USH2A: variants seen among roughly 807,000 people sequenced by gnomAD.
USH2A encodes the protein Usher syndrome 2A (autosomal recessive, mild).
USH2A carries 443 observed loss-of-function variants against 538.9 expected under a neutral mutation model. The ratio of observed to expected loss-of-function variants is 0.82; its 90% CI spans 0.76 to 0.89. The LOEUF (loss-of-function observed/expected upper bound fraction) is 0.89. USH2A is among the 40% of genes least tolerant of loss of function. USH2A has a pLI of 0.00. For synonymous variants in USH2A, 2,413 were observed against 2,273.5 expected, an observed-to-expected ratio of 1.06 and a Z score of -1.75; for missense variants, 6,633 against 6,324.8, an observed-to-expected ratio of 1.05 and a Z score of -1.65.
In USH2A at chr1:216,231,842, CA is replaced by C. The variant is rs2035701459; in HGVS notation, c.2993+110del. 5.1e-6 allele frequency: 7 copies of C among 1,375,026 alleles called. No homozygotes were observed. The East Asian group carries it at 1.6e-4, about 32-fold the overall frequency. 85.2% of individuals were successfully genotyped at this position (1,375,026 alleles called of 1,614,324 possible). ...TGCTGGGATTACAGGTGTGAGCCAC[CA>C]AGCCGGGCAAAAAAAATACTTTTTA... On this transcript the variant is annotated intron_variant, in intron 14 of 71. Transcript: ENST00000307340.
At chr1:216,078,864 T>C (rs991095113) in intron 26 of USH2A, among the ~76,000 whole-genome samples, 3 of 152,160 alleles carry the variant, frequency 2.0e-5, no homozygotes, top group Non-Finnish European at 4.4e-5. Context: ...ATTTCAAATA[T>C]GTAAGACATA....
chr1:216,288,654 CTTA>C (rs1268354629), intron 11 of USH2A, among the ~76,000 whole-genome samples: 1 of 152,048 alleles, frequency 6.6e-6, no homozygotes. Context: ...ACAATTTTCA[CTTA>C]TTAGTATTAT....
Position 215,965,473 on chromosome 1 carries a change from T to A in USH2A, c.6964A>T (p.Asn2322Tyr). 6.2e-7 allele frequency: 1 copy of A among 1,613,626 alleles called. No homozygotes were observed. Among genetic ancestry groups the A allele is most frequent in the Non-Finnish European group, 8.5e-7 (1 of 1,179,714 alleles). ...TCAGGAGGAGCTTCTAGAGTTCGAT[T>A]TTCCACCTGTGAGTATAAAAAGATT... The part of the protein sequence containing the change: ...KGCALGPLVE[N>Y]RTLEAPPEGT... Residue 2322 changes from asparagine to tyrosine, a missense_variant, in exon 37 of 72, where the codon AAT becomes TAT. By Grantham distance (143) the Asn-to-Tyr change is moderately radical. Transcript: ENST00000307340.
At chr1:216,203,157 C>G (rs2035035098) in intron 16 of USH2A, among the ~76,000 whole-genome samples, 1 of 151,834 alleles carries the variant, frequency 6.6e-6, no homozygotes, top group Admixed American at 6.6e-5. Flanking sequence ...AGATACATTC[C>G]AAGATCTCCA....
At chr1:216,380,605 G>A (rs901154070) in intron 3 of USH2A, among the ~76,000 whole-genome samples, 1 of 152,170 alleles carries the variant, frequency 6.6e-6, no homozygotes, top group East Asian at 1.9e-4. Context: ...ACTGACTTCA[G>A]TGTGAGACAA....
At chr1:215,949,646 G>C (rs1159813890) in intron 37 of USH2A, among the ~76,000 whole-genome samples, 1 of 151,976 alleles carries the variant, frequency 6.6e-6, no homozygotes, top group Non-Finnish European at 1.5e-5. Context: ...ATTTAAGTCT[G>C]ATAAATTTAG....
At chr1:216,295,956 A>T (rs914862616) in intron 9 of USH2A, among the ~76,000 whole-genome samples, 3 of 150,844 alleles carry the variant, frequency 2.0e-5, no homozygotes, top group African/African-American at 7.3e-5. Context: ...AGTCAAAAGC[A>T]TTTTTTTTTG....
intron 55 of USH2A, among the ~76,000 whole-genome samples, chr1:215,768,973 T>A (rs1203816066): frequency 1.3e-5 from 2 of 152,158 alleles, no homozygotes; most frequent in Non-Finnish European, 1.5e-5. Context: ...TAGTGTCCCA[T>A]AAGGATTGCA....
In USH2A at chr1:215,674,089, T is replaced by C. The variant is rs1657910266; in HGVS notation, c.13811+11A>G. On this transcript the variant is annotated intron_variant, in intron 63 of 71. Transcript: ENST00000307340. The stretch of plus-strand genomic sequence containing the variant: ...GGCTTACTCTCAGAAAACCGAGACA[T>C]GGCTACCTACCTGTGAAATGGCTTC... 1 of 1,614,010 alleles carries C rather than the reference T, an allele frequency of 6.2e-7. No individual in the cohort carries two copies. Among genetic ancestry groups the C allele is most frequent in the Non-Finnish European group, 8.5e-7 (1 of 1,179,986 alleles).
At chr1:216,403,041 C>T (rs898537355) in intron 3 of USH2A, among the ~76,000 whole-genome samples, 1 of 151,968 alleles carries the variant, frequency 6.6e-6, no homozygotes, top group Admixed American at 6.6e-5. Flanking sequence ...CAATTCAGCA[C>T]TATATAAAAG....
intron 4 of USH2A, among the ~76,000 whole-genome samples, chr1:216,353,375 A>G (rs969627466): frequency 6.6e-6 from 1 of 152,110 alleles, no homozygotes; most frequent in African/African-American, 2.4e-5. Flanking sequence ...ATGCCACATG[A>G]TCATTAGTGA....
intron 44 of USH2A, among the ~76,000 whole-genome samples, chr1:215,865,501 G>A (rs1407968152): frequency 2.6e-5 from 4 of 152,140 alleles, no homozygotes; most frequent in Admixed American, 6.6e-5. Flanking sequence ...GTCAGATGAG[G>A]GGGGAGAGCC....
intron 64 of USH2A, among the ~76,000 whole-genome samples, chr1:215,654,893 G>T (rs942725181): frequency 6.6e-6 from 1 of 152,088 alleles, no homozygotes; most frequent in African/African-American, 2.4e-5. Context: ...ACTAATTATT[G>T]TATTTTGCCT....
At chr1:216,056,991 A>C (rs542927721) in intron 30 of USH2A, among the ~76,000 whole-genome samples, 11 of 152,218 alleles carry the variant, frequency 7.2e-5, no homozygotes, top group Non-Finnish European at 1.3e-4. Flanking sequence ...GAATGTTTAT[A>C]AGCATTGTGG....
At position 216,263,261 on chromosome 1, in the gene USH2A, TCTAAA is replaced by T. The variant is rs1355342711; in HGVS notation, c.1972-12168_1972-12164del. Among the ~76,000 whole-genome samples the T allele has an allele frequency of 2.6e-5, 4 of 152,244 alleles. No homozygotes were observed. The East Asian group carries it at 7.7e-4, about 29-fold the overall frequency. On this transcript the variant is annotated intron_variant, in intron 11 of 71. Transcript: ENST00000307340. ...AAAAAATTGAAGGAGAGGAAATTCT[TCTAAA>T]CTAATTTTATAAGGCCAGCATTACC...
chr1:215,726,073 T>C (rs1453297027), intron 61 of USH2A, among the ~76,000 whole-genome samples: 2 of 152,170 alleles, frequency 1.3e-5, no homozygotes, highest in Non-Finnish European at 2.9e-5. Flanking sequence ...ATCATTATAA[T>C]CCTGATGCCT....
At chr1:215,827,902 G>A (rs1663200267) in intron 47 of USH2A, among the ~76,000 whole-genome samples, 1 of 151,936 alleles carries the variant, frequency 6.6e-6, no homozygotes, top group African/African-American at 2.4e-5. Context: ...TAAATTAAAT[G>A]TAAAATATTA....
chr1:216,401,385 C>T (rs546582050), intron 3 of USH2A, among the ~76,000 whole-genome samples: 48 of 152,026 alleles, frequency 3.2e-4, no homozygotes, highest in South Asian at 1.2e-3. Context: ...CAGAGACCCA[C>T]AACAGACAAG....
intron 3 of USH2A, among the ~76,000 whole-genome samples, chr1:216,379,371 C>A (rs528175851): frequency 2.6e-5 from 4 of 152,126 alleles, no homozygotes; most frequent in African/African-American, 9.6e-5. Flanking sequence ...TGATTGTGTT[C>A]TTTTCCATAC....
Sources: allele counts gnomAD v4.1 joint callset (sites outside exome capture counted in the v4.1 genomes callset), GRCh38; gene constraint gnomAD v4.1.1; transcripts MANE v1.5; gene names NCBI Gene and HGNC (gene_info 2026-07-23, HGNC 2026-07-21).